The following CIRSR variants were observed in gnomAD, a reference collection of about 807,000 sequenced individuals.
CIRSR encodes corepressor of RBPJ and splicing regulator.
the CIRSR span, chr2:174,380,896 T>C: frequency 9.4e-7 from 1 of 1,059,622 alleles, no homozygotes; most frequent in Admixed American, 2.7e-5. Flanking sequence ...GTATACACTA[T>C]GATATCATGT....
At chr2:174,367,306 G>A in the CIRSR span, among the ~76,000 whole-genome samples, 21 of 152,226 alleles carry the variant, frequency 1.4e-4, no homozygotes, top group African/African-American at 3.6e-4. Context: ...GGCATTGGGC[G>A]CGGTGGCTAA....
the CIRSR span, among the ~76,000 whole-genome samples, chr2:174,391,694 A>G: frequency 1.3e-5 from 2 of 152,248 alleles, no homozygotes; most frequent in African/African-American, 2.4e-5. Context: ...TAATATTTTA[A>G]TAACAGGCTG....
At chr2:174,380,347 A>G in the CIRSR span, 5 of 824,494 alleles carry the variant, frequency 6.1e-6, no homozygotes, top group East Asian at 1.1e-4. Flanking sequence ...TTCTAAGAAC[A>G]TTATGAAATA....
At chr2:174,373,038 TTACA>T in the CIRSR span, among the ~76,000 whole-genome samples, 1 of 152,236 alleles carries the variant, frequency 6.6e-6, no homozygotes, top group Non-Finnish European at 1.5e-5. Context: ...TCAATTGTTC[TTACA>T]TATAGTTTAA....
At chr2:174,387,842 T>C in the CIRSR span, 4 of 1,397,332 alleles carry the variant, frequency 2.9e-6, no homozygotes, top group Non-Finnish European at 3.9e-6. Context: ...AACTTTGCTT[T>C]TCTTGTATAA....
At chr2:174,356,603 GAAGA>G in the CIRSR span, among the ~76,000 whole-genome samples, 37 of 33,938 alleles carry the variant, frequency 1.1e-3, no homozygotes, top group South Asian at 9.6e-3. Flanking sequence ...GGGAGGGAGG[GAAGA>G]AGGAAGGAAG....
chr2:174,356,283 T>C, the CIRSR span, among the ~76,000 whole-genome samples: 1 of 151,818 alleles, frequency 6.6e-6, no homozygotes, highest in Non-Finnish European at 1.5e-5. Context: ...TTGGGCAACA[T>C]GGTGAGACCC....
At chr2:174,356,827 T>A in the CIRSR span, among the ~76,000 whole-genome samples, 4 of 152,226 alleles carry the variant, frequency 2.6e-5, no homozygotes, top group Non-Finnish European at 4.4e-5. Context: ...TTAATTTAAC[T>A]TTATACTACG....
the CIRSR span, among the ~76,000 whole-genome samples, chr2:174,374,336 T>C: frequency 1.3e-5 from 2 of 152,344 alleles, 1 homozygote; most frequent in South Asian, 4.1e-4. Flanking sequence ...CTCTATTAAA[T>C]AGAGCCTTAC....
chr2:174,356,247 C>T, the CIRSR span, among the ~76,000 whole-genome samples: 2 of 151,912 alleles, frequency 1.3e-5, no homozygotes, highest in South Asian at 4.1e-4. Context: ...GGGTGGATCG[C>T]CTGAGTCCAG....
At chr2:174,353,814 T>G in the CIRSR span, among the ~76,000 whole-genome samples, 1 of 152,206 alleles carries the variant, frequency 6.6e-6, no homozygotes, top group African/African-American at 2.4e-5. Context: ...TGGTGGCTTC[T>G]CAAATTTCAC....
the CIRSR span, chr2:174,348,904 TC>T: frequency 1.2e-6 from 2 of 1,614,176 alleles, no homozygotes; most frequent in East Asian, 2.2e-5. Context: ...TGAAGCTTTC[TC>T]TTCTTAGACT....
At chr2:174,367,305 C>T in the CIRSR span, among the ~76,000 whole-genome samples, 11 of 152,160 alleles carry the variant, frequency 7.2e-5, no homozygotes, top group Non-Finnish European at 7.4e-5. Context: ...GGGCATTGGG[C>T]GCGGTGGCTA....
chr2:174,380,165 A>G, the CIRSR span: 1 of 1,426,346 alleles, frequency 7.0e-7, no homozygotes, highest in East Asian at 2.4e-5. Flanking sequence ...TTATTAAATA[A>G]AAATTATTCT....
chr2:174,353,158 G>C, the CIRSR span, among the ~76,000 whole-genome samples: 1 of 152,090 alleles, frequency 6.6e-6, no homozygotes, highest in East Asian at 1.9e-4. Flanking sequence ...GAGATGATGG[G>C]GAAAAACTGT....
the CIRSR span, among the ~76,000 whole-genome samples, chr2:174,354,422 ATATTATATG>A: frequency 1.5e-5 from 1 of 65,418 alleles, no homozygotes; most frequent in African/African-American, 5.2e-5. Context: ...TATATAATAT[ATATTATATG>A]ATATATATAA....
At chr2:174,358,813 A>T in the CIRSR span, among the ~76,000 whole-genome samples, 3 of 152,142 alleles carry the variant, frequency 2.0e-5, no homozygotes, top group Non-Finnish European at 4.4e-5. Context: ...CCCAGGTTCA[A>T]GCAATCCTCT....
chr2:174,380,352 G>A, the CIRSR span: 1 of 797,562 alleles, frequency 1.3e-6, no homozygotes, highest in Non-Finnish European at 2.0e-6. Flanking sequence ...AGAACATTAT[G>A]AAATATATTA....
the CIRSR span, among the ~76,000 whole-genome samples, chr2:174,354,686 T>C: frequency 9.9e-6 from 1 of 100,728 alleles, no homozygotes; most frequent in Non-Finnish European, 1.9e-5. Context: ...ATTTTATATA[T>C]TATATAATAC....
Sources: allele counts gnomAD v4.1 joint callset (sites outside exome capture counted in the v4.1 genomes callset), GRCh38; gene constraint gnomAD v4.1.1; transcripts MANE v1.5; gene names NCBI Gene and HGNC (gene_info 2026-07-23, HGNC 2026-07-21).